Variants in GNAT2 observed in about 807,000 individuals in gnomAD.
GNAT2 encodes guanine nucleotide-binding protein G(t) subunit alpha-2.
A neutral mutation model predicts 40.9 loss-of-function variants in GNAT2; 32 were observed. The observed-to-expected ratio is 0.78, with a 90% CI of 0.59 to 1.05. GNAT2 has a LOEUF of 1.05. Among genes scored for constraint, GNAT2 ranks in the 50% least tolerant of loss-of-function variants. The pLI, the probability that GNAT2 is intolerant of heterozygous loss-of-function variation, is 0.00. For synonymous variants in GNAT2, 141 were observed against 157.2 expected, an observed-to-expected ratio of 0.90 and a Z score of 0.77; for missense variants, 355 against 431.5, an observed-to-expected ratio of 0.82 and a Z score of 1.57.
At chr1:109,604,277 T>G in intron 7 of GNAT2, 173 bp from the exon 8 acceptor site, 1 of 628,342 alleles carries the variant, frequency 1.6e-6, no homozygotes, top group Non-Finnish European at 2.8e-6. Flanking sequence ...ATCATTCTAG[T>G]TCCCTATCTT....
At chr1:109,608,836 C>G (rs745397558) in intron 4 of GNAT2, 48 bp from the exon 5 acceptor site, 1 of 1,488,982 alleles carries the variant, frequency 6.7e-7, no homozygotes, top group African/African-American at 1.4e-5. Context: ...TAATAGCTTT[C>G]CAGGAGGCTT....
At chr1:109,605,660 G>A (rs764241009) in intron 7 of GNAT2, 36 of 379,212 alleles carry the variant, frequency 9.5e-5, no homozygotes, top group Admixed American at 2.6e-4. Flanking sequence ...CCTTTGCTTT[G>A]CCTAGTTGAT....
Position 109,603,299 on chromosome 1 carries a change from A to AG in GNAT2, c.*54_*55insC. The AG allele has an allele frequency of 1.0e-6, 1 of 974,784 alleles. No homozygotes were observed. The allele number at this position is 974,784 out of a possible 1,614,324, so 60.4% of individuals were successfully genotyped here. ...ATATTGACTATAATTTTCTGTTTTT[A>AG]ATTACCCAGATTCCAAGCCTGTTTA... On this transcript the variant is annotated 3_prime_UTR_variant, in exon 9 of 9. Coordinates refer to ENST00000679935, the MANE Select transcript of GNAT2 (RefSeq NM_001377295.2).
intron 1 of GNAT2, 188 bp from the exon 2 acceptor site, chr1:109,613,111 T>C: frequency 2.0e-6 from 1 of 503,266 alleles, no homozygotes; most frequent in Non-Finnish European, 3.6e-6. Flanking sequence ...GTAGCCTTTA[T>C]ATCTAGCAAT....
chr1:109,612,307 A>G (rs1169291388), intron 2 of GNAT2: 3 of 223,328 alleles, frequency 1.3e-5, no homozygotes, highest in African/African-American at 2.3e-5. Flanking sequence ...CAGTGGGACT[A>G]TCTCTGGTAC....
At chr1:109,607,711 A>T (rs1345897780) in intron 5 of GNAT2, 1 of 152,210 alleles carries the variant, frequency 6.6e-6, no homozygotes, top group East Asian at 1.9e-4. Context: ...GCCCAATGCA[A>T]ATGCAGTCTC....
At chr1:109,608,271 C>G (rs115378688) in intron 5 of GNAT2, 40 of 361,332 alleles carry the variant, frequency 1.1e-4, no homozygotes, top group African/African-American at 8.0e-4. Context: ...TATGACAGAA[C>G]TGCAGGGCTA....
intron 1 of GNAT2, 123 bp from the exon 2 acceptor site, chr1:109,613,046 A>G (rs946827795): frequency 1.1e-5 from 8 of 698,834 alleles, no homozygotes; most frequent in African/African-American, 3.5e-5. Flanking sequence ...TACTCTGCCT[A>G]CATTGACTGA....
At chr1:109,612,957 G>T in intron 1 of GNAT2, 34 bp from the exon 2 acceptor site, 1 of 933,478 alleles carries the variant, frequency 1.1e-6, no homozygotes, top group Non-Finnish European at 1.8e-6. Context: ...GAAAAAAGTT[G>T]GGATTGAGTA....
chr1:109,606,227 C>T, intron 6 of GNAT2, 81 bp downstream of exon 6: 1 of 1,574,916 alleles, frequency 6.3e-7, no homozygotes, highest in South Asian at 1.1e-5. Flanking sequence ...TAGGCTTCAC[C>T]AAAGGCCAAG....
At chr1:109,617,509 T>C (rs1649980319) in intron 1 of GNAT2, 1 of 152,264 alleles carries the variant, frequency 6.6e-6, no homozygotes, top group African/African-American at 2.4e-5. Flanking sequence ...CCAAGCTCTG[T>C]TCTGCGTAGA....
At position 109,604,081 on chromosome 1, in the gene GNAT2, ATGCAAAGACTCATG is replaced by A. The variant is rs1649519692; in HGVS notation, c.730_743del (p.His244SerfsTer7). The A allele has an allele frequency of 1.9e-6, 3 of 1,612,060 alleles. No individual in the cohort carries two copies. In the East Asian group the frequency reaches 6.7e-5, roughly 36 times the overall value. On this transcript the variant is annotated frameshift_variant, in exon 8 of 9. Transcript: ENST00000679935. LOFTEE classifies it high-confidence loss of function. The stretch of plus-strand genomic sequence containing the variant: ...TGTGGTTACATATGCTGTTGAACAG[ATGCAAAGACTCATG>A]CATACGATTCTAGTAAGAGGAAACA...
intron 8 of GNAT2, 115 bp from the exon 9 acceptor site, chr1:109,603,659 G>A (rs1649503712): frequency 1.2e-5 from 9 of 773,772 alleles, no homozygotes; most frequent in Admixed American, 1.9e-5. Context: ...AGCAGTTGGG[G>A]GCCTATTTTT....
intron 5 of GNAT2, 161 bp downstream of exon 5, chr1:109,608,470 T>C (rs1248007184): frequency 8.3e-6 from 6 of 723,498 alleles, no homozygotes; most frequent in Non-Finnish European, 1.5e-5. Context: ...TTCAAAACAT[T>C]GCTGAAGCCT....
intron 4 of GNAT2, chr1:109,609,391 C>G (rs1006132188): frequency 5.8e-6 from 1 of 173,530 alleles, no homozygotes; most frequent in Non-Finnish European, 1.3e-5. Context: ...TCAACACTTT[C>G]GGAGTCTGAG....
intron 7 of GNAT2, chr1:109,605,524 T>C (rs1466365057): frequency 1.0e-5 from 3 of 291,702 alleles, no homozygotes; most frequent in Non-Finnish European, 2.0e-5. Flanking sequence ...TTTAGCCTCC[T>C]AAGTGGGGTT....
Position 109,610,471 on chromosome 1 carries a change from T to G in GNAT2, c.155A>C (p.Gln52Pro), listed in dbSNP as rs1294773570. 1 of 1,613,694 alleles carries G rather than the reference T, an allele frequency of 6.2e-7. No individual in the cohort carries two copies. The highest frequency in any genetic ancestry group is 1.7e-5 in the Admixed American group (1 of 60,008). ...GESGKSTIVKQMKIIHQDGYS... is the reference protein window; with the variant it reads ...GESGKSTIVKPMKIIHQDGYS... ...GGGCTTTGTTTCTACTCACTTCATC[T>G]GTTTGACGATGGTGCTCTTTCCTGA... The change falls in exon 3 of 9, where the codon CAG becomes CCG. Residue 52 changes from glutamine to proline, a missense_variant. Gln to Pro is a moderately conservative substitution (Grantham distance 76, BLOSUM62 -1). Transcript: ENST00000679935.
At chr1:109,606,530 G>A (rs1428939595) in intron 5 of GNAT2, 94 bp from the exon 6 acceptor site, 3 of 1,055,480 alleles carry the variant, frequency 2.8e-6, no homozygotes. Flanking sequence ...CAGCTAATTT[G>A]GTGATAGAAA....
At chr1:109,613,272 G>A in intron 1 of GNAT2, 1 of 294,172 alleles carries the variant, frequency 3.4e-6, no homozygotes. Context: ...TCCCCTGAAA[G>A]TCTCTTGCTT....
Sources: allele counts gnomAD v4.1 joint callset, GRCh38; gene constraint gnomAD v4.1.1; transcripts MANE v1.5; gene names NCBI Gene and HGNC (gene_info 2026-07-23, HGNC 2026-07-21).